CACNG4: variants seen among roughly 807,000 people sequenced by gnomAD.
CACNG4 encodes the protein calcium voltage-gated channel auxiliary subunit gamma 4, also known as voltage-dependent calcium channel gamma-4 subunit.
In CACNG4, 8 loss-of-function variants were observed where a neutral mutation model predicts 22.9. That is an observed-to-expected ratio of 0.35 (90% CI 0.21 to 0.63). CACNG4 has a LOEUF of 0.63. Among genes scored for constraint, CACNG4 ranks in the 30% least tolerant of loss-of-function variants. CACNG4 has a pLI of 0.72. For missense variants in CACNG4, 357 were observed against 455.4 expected, an observed-to-expected ratio of 0.78 and a Z score of 1.97; for synonymous variants, 188 against 191.9, an observed-to-expected ratio of 0.98 and a Z score of 0.17.
intron 3 of CACNG4, among the ~76,000 whole-genome samples, chr17:67,025,908 G>A (rs2035561952): frequency 2.6e-5 from 4 of 152,126 alleles, no homozygotes; most frequent in African/African-American, 9.7e-5. Flanking sequence ...CCGGGCCCCG[G>A]TTCTACACCA....
chr17:66,970,358 G>C (rs2035196455), intron 1 of CACNG4, among the ~76,000 whole-genome samples: 2 of 152,204 alleles, frequency 1.3e-5, no homozygotes, highest in Non-Finnish European at 2.9e-5. Context: ...GGGTGGTTTA[G>C]ATCACAGATG....
intron 1 of CACNG4, among the ~76,000 whole-genome samples, chr17:66,971,596 G>A (rs779961914): frequency 2.0e-5 from 3 of 152,180 alleles, no homozygotes; most frequent in East Asian, 1.9e-4. Context: ...AGCAGGGGGC[G>A]TGTGGGGAGC....
chr17:66,965,881 C>T (rs1348433838), intron 1 of CACNG4, among the ~76,000 whole-genome samples: 1 of 152,148 alleles, frequency 6.6e-6, no homozygotes, highest in Non-Finnish European at 1.5e-5. Flanking sequence ...ACCGAGTCTC[C>T]CCCAACGGAG....
chr17:66,971,574 C>G (rs758316621), intron 1 of CACNG4, among the ~76,000 whole-genome samples: 1 of 152,086 alleles, frequency 6.6e-6, no homozygotes, highest in East Asian at 1.9e-4. Context: ...ATTTATGTTA[C>G]GGTGAAAACA....
intron 1 of CACNG4, among the ~76,000 whole-genome samples, chr17:66,982,158 A>G (rs1340522884): frequency 3.3e-5 from 5 of 152,188 alleles, no homozygotes; most frequent in Non-Finnish European, 5.9e-5. Flanking sequence ...GTGAAAGAAC[A>G]AGCTTCCACG....
chr17:67,028,305 G>A (rs1018994181), intron 3 of CACNG4, among the ~76,000 whole-genome samples: 1 of 152,192 alleles, frequency 6.6e-6, no homozygotes, highest in Non-Finnish European at 1.5e-5. Flanking sequence ...TGTAATCCCA[G>A]CACTTTGGGA....
chr17:66,965,002 G>GA lies in CACNG4; in HGVS notation c.92dup (p.Asp31GlufsTer47). ...GCTCATGGCCATCGCCATCGGCACC[G>GA]ACTACTGGCTGTACTCCAGCGCGCA... On this transcript the variant is annotated frameshift_variant, in exon 1 of 4. Transcript: ENST00000262138. LOFTEE classifies it high-confidence loss of function. The GA allele has an allele frequency of 6.2e-7, 1 of 1,611,506 alleles. No individual in the cohort carries two copies. The highest frequency in any genetic ancestry group is 1.7e-5 in the Admixed American group (1 of 59,928).
Position 67,028,475 on chromosome 17 carries a change from C to A in CACNG4, c.446-1991C>A, listed in dbSNP as rs891912067. ...GGCTGAGGCAGGAGAATGGCGTGAA[C>A]CCGGGAGGCGGAGCTTGCAGTGAGC... On this transcript the variant is annotated intron_variant, in intron 3 of 3. Coordinates refer to ENST00000262138, the MANE Select transcript of CACNG4 (RefSeq NM_014405.4). Among the ~76,000 whole-genome samples, 11 of 152,080 alleles carry A rather than the reference C, an allele frequency of 7.2e-5. No homozygotes were observed. The East Asian group carries it at 1.7e-3, about 24-fold the overall frequency.
rs1012691263 is a variant in CACNG4 at position 66,965,558 on chromosome 17, G to A, written c.220+427G>A. Among the ~76,000 whole-genome samples the A allele has an allele frequency of 2.4e-4, 35 of 148,540 alleles. 1 individual carries two copies. Among genetic ancestry groups the A allele is most frequent in the Admixed American group, 6.6e-4 (10 of 15,114 alleles). ...GGAGGAGGCTGGGGTTGGGGGGAGC[G>A]GACGGGAGGGGGGGAGGGGTTGCTT... On this transcript the variant is annotated intron_variant, in intron 1 of 3. Transcript: ENST00000262138.
intron 1 of CACNG4, among the ~76,000 whole-genome samples, chr17:66,973,171 C>T (rs1029385980): frequency 2.0e-5 from 3 of 148,904 alleles, no homozygotes; most frequent in East Asian, 2.1e-4. Flanking sequence ...ACCTGGGAGG[C>T]GGAGGTTGCA....
intron 1 of CACNG4, among the ~76,000 whole-genome samples, chr17:66,978,920 C>A (rs114647676): frequency 1.3e-5 from 2 of 152,208 alleles, no homozygotes; most frequent in Non-Finnish European, 2.9e-5. Flanking sequence ...CTTGCTCAAC[C>A]GTTTGGAGGA....
chr17:66,968,475 C>G (rs1216697723), intron 1 of CACNG4, among the ~76,000 whole-genome samples: 3 of 123,250 alleles, frequency 2.4e-5, no homozygotes, highest in African/African-American at 9.4e-5. Flanking sequence ...CTCCCCTTCC[C>G]TCACCTTCCC....
At chr17:66,999,082 G>A (rs933604660) in intron 1 of CACNG4, among the ~76,000 whole-genome samples, 5 of 152,176 alleles carry the variant, frequency 3.3e-5, no homozygotes, top group African/African-American at 1.2e-4. Flanking sequence ...TGCACTAGAT[G>A]GGCAATCCTG....
chr17:66,981,603 T>C lies in CACNG4; in HGVS notation c.220+16472T>C, dbSNP rs2035273343. Among the ~76,000 whole-genome samples the C allele has an allele frequency of 2.6e-5, 4 of 152,306 alleles. 1 individual carries two copies. The South Asian group carries it at 6.2e-4, about 24-fold the overall frequency. The stretch of plus-strand genomic sequence containing the variant: ...CGAGAGAACCACAGGAGACCCACTC[T>C]GTTTGTCACCAGTGGCCTCTTGAGC... On this transcript the variant is annotated intron_variant, in intron 1 of 3. Transcript: ENST00000262138.
At chr17:67,017,542 A>C (rs981878913) in intron 1 of CACNG4, among the ~76,000 whole-genome samples, 4 of 151,140 alleles carry the variant, frequency 2.6e-5, no homozygotes, top group Admixed American at 2.6e-4. Flanking sequence ...TGTTTGAGAC[A>C]GAGTCTTGCT....
chr17:66,991,874 T>C (rs1236673114), intron 1 of CACNG4, among the ~76,000 whole-genome samples: 1 of 152,168 alleles, frequency 6.6e-6, no homozygotes, highest in Non-Finnish European at 1.5e-5. Flanking sequence ...CGACCTCTCT[T>C]CACCACTTCA....
intron 1 of CACNG4, among the ~76,000 whole-genome samples, chr17:67,012,651 C>T (rs1347397008): frequency 1.3e-5 from 2 of 152,178 alleles, no homozygotes; most frequent in Non-Finnish European, 2.9e-5. Context: ...GTTAATCCCT[C>T]AAACTTCCAG....
At chr17:66,992,162 G>GC (rs2035344548) in intron 1 of CACNG4, among the ~76,000 whole-genome samples, 2 of 30,690 alleles carry the variant, frequency 6.5e-5, no homozygotes, top group South Asian at 8.1e-4. Flanking sequence ...CAAGCTCCTG[G>GC]GGGGGGGGGG....
In CACNG4 at chr17:66,964,905, G is replaced by A; in HGVS notation, c.-7G>A. On this transcript the variant is annotated 5_prime_UTR_variant, in exon 1 of 4. Coordinates refer to ENST00000262138, the MANE Select transcript of CACNG4 (RefSeq NM_014405.4). ...GCCGGCGGGCGGCGGACTATGAGGC[G>A]CCCACCATGGTGCGATGCGACCGCG... 2 of 1,516,252 alleles carry A rather than the reference G, an allele frequency of 1.3e-6. No homozygotes were observed. The highest frequency in any genetic ancestry group is 1.2e-5 in the South Asian group (1 of 82,988). The allele number at this position is 1,516,252 out of a possible 1,614,324, so 93.9% of individuals were successfully genotyped here.
Sources: gnomAD v4.1 joint callset for allele counts (sites outside exome capture counted in the v4.1 genomes callset) on GRCh38, gnomAD v4.1.1 for gene constraint, MANE v1.5 for transcripts, NCBI Gene and HGNC (gene_info 2026-07-23, HGNC 2026-07-21) for gene names.